Variants in NEGR1 observed in about 807,000 individuals in gnomAD.
NEGR1 encodes IgLON family member 4.
A neutral mutation model predicts 40.9 loss-of-function variants in NEGR1; 10 were observed. That is an observed-to-expected ratio of 0.24 (90% CI 0.15 to 0.42). The LOEUF (loss-of-function observed/expected upper bound fraction) is 0.42. NEGR1 is among the 10% of genes least tolerant of loss of function. The pLI is 1.00. For missense variants in NEGR1, 352 were observed against 438.9 expected, an observed-to-expected ratio of 0.80 and a Z score of 1.77; for synonymous variants, 185 against 166.8, an observed-to-expected ratio of 1.11 and a Z score of -0.84.
intron 2 of NEGR1, among the ~76,000 whole-genome samples, chr1:71,872,591 G>A (rs1570453447): frequency 6.6e-6 from 1 of 152,070 alleles, no homozygotes; most frequent in Admixed American, 6.6e-5. Context: ...TGAGCAAAGC[G>A]CCTCTATTCA....
At chr1:71,909,559 G>A (rs985064623) in intron 2 of NEGR1, among the ~76,000 whole-genome samples, 17 of 152,142 alleles carry the variant, frequency 1.1e-4, no homozygotes. Context: ...GCACTAGTGA[G>A]TAAATTTTAT....
intron 1 of NEGR1, among the ~76,000 whole-genome samples, chr1:71,985,337 T>A (rs553768633): frequency 1.3e-5 from 2 of 152,318 alleles, no homozygotes; most frequent in Admixed American, 6.5e-5. Context: ...ATCTTTTAAG[T>A]CAGGAAAACA....
At chr1:71,711,648 C>A (rs1260167516) in intron 3 of NEGR1, among the ~76,000 whole-genome samples, 2 of 152,020 alleles carry the variant, frequency 1.3e-5, no homozygotes, top group Non-Finnish European at 2.9e-5. Flanking sequence ...CTCACTCCTG[C>A]ATAAATAAAA....
chr1:71,669,761 C>T (rs889855728), intron 4 of NEGR1, among the ~76,000 whole-genome samples: 1 of 152,120 alleles, frequency 6.6e-6, no homozygotes, highest in Non-Finnish European at 1.5e-5. Flanking sequence ...AGCAATTCTC[C>T]TGCCTCAGCC....
At chr1:72,040,317 T>C (rs912144476) in intron 1 of NEGR1, among the ~76,000 whole-genome samples, 1 of 151,738 alleles carries the variant, frequency 6.6e-6, no homozygotes. Context: ...GAATCTGCAA[T>C]AGAAATAGAC....
At chr1:72,202,952 G>A (rs1412170853) in intron 1 of NEGR1, among the ~76,000 whole-genome samples, 1 of 151,874 alleles carries the variant, frequency 6.6e-6, no homozygotes, top group East Asian at 1.9e-4. Context: ...TAAGCCCACA[G>A]TTGAGACTAC....
chr1:71,458,810 A>G (rs1374871846), intron 6 of NEGR1, among the ~76,000 whole-genome samples: 1 of 152,216 alleles, frequency 6.6e-6, no homozygotes, highest in African/African-American at 2.4e-5. Flanking sequence ...TATTGAACAC[A>G]GCACTTGGTC....
chr1:71,723,317 G>C (rs1008277123), intron 3 of NEGR1, among the ~76,000 whole-genome samples: 1 of 152,076 alleles, frequency 6.6e-6, no homozygotes, highest in African/African-American at 2.4e-5. Context: ...AGTGTCATTT[G>C]TCATAATGAG....
At chr1:71,869,933 G>A (rs1660228697) in intron 2 of NEGR1, among the ~76,000 whole-genome samples, 1 of 148,692 alleles carries the variant, frequency 6.7e-6, no homozygotes, top group Non-Finnish European at 1.5e-5. Context: ...AGGCTGGAGT[G>A]CAGTGGCATG....
At chr1:71,815,913 C>T (rs1002389932) in intron 2 of NEGR1, among the ~76,000 whole-genome samples, 21 of 152,046 alleles carry the variant, frequency 1.4e-4, no homozygotes, top group African/African-American at 4.8e-4. Flanking sequence ...AAAGGTTTAA[C>T]ATATTACTCT....
At chr1:71,913,938 T>A (rs1461691664) in intron 2 of NEGR1, among the ~76,000 whole-genome samples, 1 of 151,970 alleles carries the variant, frequency 6.6e-6, no homozygotes, top group East Asian at 1.9e-4. Context: ...ATGTCTCTAA[T>A]CCCTCAGTGA....
At chr1:71,669,659 CT>C (rs36110917) in intron 4 of NEGR1, among the ~76,000 whole-genome samples, 4 of 149,838 alleles carry the variant, frequency 2.7e-5, no homozygotes, top group Admixed American at 1.3e-4. Context: ...TGCTACGTAA[CT>C]TTTTTTTTTG....
Position 71,478,736 on chromosome 1 carries a change from A to G in NEGR1, c.941-71166T>C, listed in dbSNP as rs117349688. On this transcript the variant is annotated intron_variant, in intron 6 of 6. Transcript: ENST00000357731. ...ACTCTTCCCCTCTTGCTTTCCCCCA[A>G]TGGTACTGTGCCAGAATGGGAGGCC... is the stretch of plus-strand genomic sequence containing the variant. Among the ~76,000 whole-genome samples, 154 of 152,098 alleles carry G rather than the reference A, an allele frequency of 1.0e-3. 1 individual carries two copies. Among genetic ancestry groups the G allele is most frequent in the East Asian group, 3.3e-3 (17 of 5,144 alleles).
At chr1:71,781,016 G>A (rs1453419880) in intron 2 of NEGR1, among the ~76,000 whole-genome samples, 1 of 152,142 alleles carries the variant, frequency 6.6e-6, no homozygotes, top group East Asian at 1.9e-4. Flanking sequence ...GTACGATAAT[G>A]AGCAACTGAG....
chr1:72,211,238 T>C (rs1268490765), intron 1 of NEGR1, among the ~76,000 whole-genome samples: 1 of 151,710 alleles, frequency 6.6e-6, no homozygotes, highest in Non-Finnish European at 1.5e-5. Context: ...ATCATGGTAA[T>C]ACCTTAAATG....
At chr1:71,904,206 C>T (rs867520477) in intron 2 of NEGR1, among the ~76,000 whole-genome samples, 32 of 151,744 alleles carry the variant, frequency 2.1e-4, no homozygotes, top group South Asian at 1.3e-3. Context: ...AGAGGACTTG[C>T]GGATATTTAG....
chr1:71,575,322 G>A (rs1168145783), intron 6 of NEGR1, among the ~76,000 whole-genome samples: 1 of 152,140 alleles, frequency 6.6e-6, no homozygotes, highest in Non-Finnish European at 1.5e-5. Flanking sequence ...CACTTGCTGT[G>A]GGAAGTCTGT....
At chr1:72,211,351 T>C (rs1244054094) in intron 1 of NEGR1, among the ~76,000 whole-genome samples, 1 of 151,768 alleles carries the variant, frequency 6.6e-6, no homozygotes, top group African/African-American at 2.4e-5. Context: ...AAGGCTTTTT[T>C]CTAAGACCCA....
intron 6 of NEGR1, among the ~76,000 whole-genome samples, chr1:71,511,846 G>A (rs1647075347): frequency 6.6e-6 from 1 of 152,076 alleles, no homozygotes; most frequent in Non-Finnish European, 1.5e-5. Context: ...ACATAATGAG[G>A]CCCATCTTTC....
Sources: gnomAD v4.1 joint callset for allele counts (sites outside exome capture counted in the v4.1 genomes callset) on GRCh38, gnomAD v4.1.1 for gene constraint, MANE v1.5 for transcripts, NCBI Gene and HGNC (gene_info 2026-07-23, HGNC 2026-07-21) for gene names.